SYNE2: variants seen among roughly 807,000 people sequenced by gnomAD.
The protein encoded by SYNE2 is spectrin repeat containing nuclear envelope protein 2.
Under a neutral mutation model 856.3 loss-of-function variants are expected in SYNE2, and 431 were observed. That is an observed-to-expected ratio of 0.50 (90% confidence interval 0.47 to 0.55). The LOEUF is 0.55. Ranked by LOEUF, SYNE2 falls within the 20% of genes least tolerant of loss-of-function variation. SYNE2 has a pLI of 0.00. For missense variants in SYNE2, 8,129 were observed against 8,023.2 expected, an observed-to-expected ratio of 1.01 and a Z score of -0.50; for synonymous variants, 2,923 against 2,872.3, an observed-to-expected ratio of 1.02 and a Z score of -0.56.
chr14:64,126,754 G>A lies in SYNE2; in HGVS notation c.13864G>A (p.Val4622Ile), dbSNP rs776974562. ...CCTGGAGCACACTCAGGCTGCAGCT[G>A]TCTGTAGAAGCAAGTCCCTGAAAGC... Reference protein sequence around the residue: ...VCLEHTQAAAVCRSKSLKAGL... With the variant: ...VCLEHTQAAAICRSKSLKAGL... The change falls in exon 73 of 116, where the codon GTC (valine) becomes ATC (isoleucine). Residue 4622 changes from valine (V) to isoleucine (I), a missense_variant. Physicochemically the swap from Val to Ile is conservative, Grantham distance 29. Around this residue, in one of 3 missense-constraint regions of SYNE2, gnomAD observed 5,410 missense variants for 5,284.8 expected, o/e 1.02. Coordinates refer to ENST00000555002, the MANE Select transcript of SYNE2 (RefSeq NM_182914.3). 2 of 1,614,090 alleles carry A rather than the reference G, an allele frequency of 1.2e-6. No individual in the cohort carries two copies. Among genetic ancestry groups the A allele is most frequent in the Non-Finnish European group, 1.7e-6 (2 of 1,180,040 alleles).
At chr14:63,842,463 CT>C (rs34615295) in intron 1 of SYNE2, among the ~76,000 whole-genome samples, 43 of 147,960 alleles carry the variant, frequency 2.9e-4, no homozygotes, top group African/African-American at 6.5e-4. Context: ...TCTTTTTCTC[CT>C]TTTTTTTTTT....
At chr14:64,064,092 A>G (rs2097338871) in intron 50 of SYNE2, among the ~76,000 whole-genome samples, 1 of 152,222 alleles carries the variant, frequency 6.6e-6, no homozygotes, top group Non-Finnish European at 1.5e-5. Context: ...ACATGAGACT[A>G]TACAATGCCT....
intron 1 of SYNE2, among the ~76,000 whole-genome samples, chr14:63,771,350 G>A (rs1886902284): frequency 6.6e-6 from 1 of 151,996 alleles, no homozygotes; most frequent in African/African-American, 2.4e-5. Context: ...GATTACAAGC[G>A]TGAGCCACCG....
intron 8 of SYNE2, among the ~76,000 whole-genome samples, chr14:63,959,372 A>G (rs1346642948): frequency 7.7e-6 from 1 of 130,142 alleles, no homozygotes; most frequent in Admixed American, 9.8e-5. Flanking sequence ...ATCTCAGCTC[A>G]CTGCAACCTT....
intron 1 of SYNE2, among the ~76,000 whole-genome samples, chr14:63,902,796 T>C (rs1289823888): frequency 6.6e-6 from 1 of 152,042 alleles, no homozygotes; most frequent in Non-Finnish European, 1.5e-5. Flanking sequence ...TGGCCTCAAG[T>C]GAGGTGGGAA....
chr14:64,073,181 T>TG (rs1220953625), intron 52 of SYNE2, among the ~76,000 whole-genome samples: 3 of 152,124 alleles, frequency 2.0e-5, no homozygotes, highest in African/African-American at 7.2e-5. Context: ...CCCCAGAGGT[T>TG]GGGGGTGTGT....
intron 1 of SYNE2, among the ~76,000 whole-genome samples, chr14:63,871,551 C>G (rs1896856409): frequency 6.6e-6 from 1 of 151,180 alleles, no homozygotes; most frequent in Non-Finnish European, 1.5e-5. Flanking sequence ...CAAGTATTTC[C>G]TTAACATTCT....
At chr14:63,945,104 CTT>C (rs34692882) in intron 6 of SYNE2, among the ~76,000 whole-genome samples, 42,960 of 105,314 alleles carry the variant, frequency 0.41, 9,019 homozygotes, top group Non-Finnish European at 0.51. Flanking sequence ...CACACCTGGC[CTT>C]TTTTTTTTTT....
intron 1 of SYNE2, among the ~76,000 whole-genome samples, chr14:63,891,746 A>G (rs2095137380): frequency 6.6e-6 from 1 of 152,050 alleles, no homozygotes. Flanking sequence ...TATCTGAAAA[A>G]GATTGCTTTT....
rs192119660 is a variant in SYNE2 at position 64,011,571 on chromosome 14, C to T, written c.4728+1455C>T. Among the ~76,000 whole-genome samples the T allele has an allele frequency of 1.7e-4, 26 of 152,246 alleles. 1 individual carries two copies. The highest frequency in any genetic ancestry group is 5.8e-4 in the African/African-American group (24 of 41,538). On this transcript the variant is annotated intron_variant, in intron 32 of 115. Transcript: ENST00000555002. ...TCTTGTTTTAGGATCAAAGTCTCTG[C>T]CTTATTCAACAGACCTTGAGACCCT...
At chr14:64,037,964 A>G (rs2097109938) in intron 45 of SYNE2, among the ~76,000 whole-genome samples, 1 of 150,698 alleles carries the variant, frequency 6.6e-6, no homozygotes, top group Non-Finnish European at 1.5e-5. Flanking sequence ...TCCCTCCCGG[A>G]CGGGGCGGCT....
intron 107 of SYNE2, chr14:64,215,993 G>A: frequency 7.0e-7 from 1 of 1,418,930 alleles, no homozygotes; most frequent in Non-Finnish European, 9.2e-7. Flanking sequence ...TCGAGACCCT[G>A]GCTCCAAAAC....
chr14:63,889,193 A>C (rs889363809), intron 1 of SYNE2, among the ~76,000 whole-genome samples: 1 of 150,846 alleles, frequency 6.6e-6, no homozygotes, highest in African/African-American at 2.4e-5. Flanking sequence ...AATTACTTTT[A>C]TAAGCTCCTC....
intron 11 of SYNE2, among the ~76,000 whole-genome samples, chr14:63,974,112 T>C (rs2096507610): frequency 6.6e-6 from 1 of 152,124 alleles, no homozygotes; most frequent in Non-Finnish European, 1.5e-5. Context: ...AAACAGTGCA[T>C]TTAGTAGAAT....
intron 19 of SYNE2, among the ~76,000 whole-genome samples, chr14:63,989,136 T>C (rs2096648028): frequency 6.6e-6 from 1 of 152,210 alleles, no homozygotes. Context: ...TTCTTTGGGA[T>C]CTTGGCATTT....
Position 64,163,480 on chromosome 14 carries a change from G to T in SYNE2, c.16378G>T (p.Ala5460Ser), listed in dbSNP as rs775169295. ...TGTCCTGGATCGACTCCCACAACCC[G>T]CAGAGTCCAGCACCCACATGCTCCT... Reference protein sequence around the residue: ...SSVLDRLPQPAESSTHMLLPG... With the variant: ...SSVLDRLPQPSESSTHMLLPG... The change falls in exon 89 of 116, where the codon GCA becomes TCA. Residue 5460 changes from alanine (A) to serine (S), a missense_variant. By Grantham distance (99) the Ala-to-Ser change is moderately conservative (BLOSUM62 1). Around this residue, in one of 3 missense-constraint regions of SYNE2, gnomAD observed 5,410 missense variants for 5,284.8 expected, o/e 1.02. Coordinates refer to ENST00000555002, the MANE Select transcript of SYNE2 (RefSeq NM_182914.3). 3 of 1,614,126 alleles carry T rather than the reference G, an allele frequency of 1.9e-6. No individual in the cohort carries two copies. Among genetic ancestry groups the T allele is most frequent in the African/African-American group, 1.3e-5 (1 of 75,026 alleles).
Position 64,219,317 on chromosome 14 carries a change from G to C in SYNE2, c.19767G>C (p.Trp6589Cys). The C allele has an allele frequency of 6.2e-7, 1 of 1,613,880 alleles. No homozygotes were observed. Among genetic ancestry groups the C allele is most frequent in the Non-Finnish European group, 8.5e-7 (1 of 1,179,984 alleles). The change falls in exon 110 of 116, where the codon TGG (tryptophan) becomes TGC (cysteine). Residue 6589 changes from tryptophan (W) to cysteine (C), a missense_variant. Around this residue, in one of 3 missense-constraint regions of SYNE2, gnomAD observed 5,410 missense variants for 5,284.8 expected, o/e 1.02. Coordinates refer to ENST00000555002, the MANE Select transcript of SYNE2 (RefSeq NM_182914.3). The part of the protein sequence containing the change: ...LNSDISAITT[W>C]LKKTEAELEM... ...CTGATATCAGCGCCATCACTACTTG[G>C]CTGAAAAAAACTGAAGCAGAGCTGG...
intron 109 of SYNE2, among the ~76,000 whole-genome samples, 193 bp from the exon 110 acceptor site, chr14:64,219,015 C>T (rs149455362): frequency 3.6e-4 from 54 of 152,056 alleles, no homozygotes; most frequent in African/African-American, 1.3e-3. Flanking sequence ...GAGTGTACGC[C>T]TCAGATCATG....
chr14:63,837,008 C>T (rs1364871681), intron 1 of SYNE2, among the ~76,000 whole-genome samples: 2 of 152,124 alleles, frequency 1.3e-5, no homozygotes, highest in Admixed American at 1.3e-4. Flanking sequence ...CATCTTTGGA[C>T]ACTGGGGAGC....
Sources: allele counts gnomAD v4.1 joint callset (sites outside exome capture counted in the v4.1 genomes callset), GRCh38; gene constraint gnomAD v4.1.1; regional missense constraint gnomAD v4.1.1; transcripts MANE v1.5; gene names NCBI Gene and HGNC (gene_info 2026-07-23, HGNC 2026-07-21).